Variants in LIPM observed in about 807,000 individuals in gnomAD.
LIPM encodes lipase member M.
A neutral mutation model predicts 42.4 loss-of-function variants in LIPM; 42 were observed. The ratio of observed to expected loss-of-function variants is 0.99; its 90% confidence interval spans 0.77 to 1.28. The LOEUF is 1.28. Ranked by LOEUF, LIPM falls within the 50% of genes most tolerant of loss-of-function variation. The pLI is 0.00. For missense variants in LIPM, 524 were observed against 520.1 expected, an observed-to-expected ratio of 1.01 and a Z score of -0.07; for synonymous variants, 177 against 173.3, an observed-to-expected ratio of 1.02 and a Z score of -0.17.
At chr10:88,814,087 T>A (rs1843687231) in intron 3 of LIPM, among the ~76,000 whole-genome samples, 1 of 152,336 alleles carries the variant, frequency 6.6e-6, no homozygotes, top group Admixed American at 6.5e-5. Context: ...TCTCATGTTC[T>A]TACAAAAGAT....
rs1159983504 is a variant in LIPM at position 88,815,073 on chromosome 10, T to G, written c.575-15T>G. The stretch of plus-strand genomic sequence containing the variant: ...AATATTTCGTATTCATGTTGACATA[T>G]TTCTTCTTTTGCAGGCTTTATTGCA... On this transcript the variant is annotated splice_polypyrimidine_tract_variant and intron_variant, in intron 4 of 8. Transcript: ENST00000404743. 3.9e-6 allele frequency: 6 copies of G among 1,524,350 alleles called. No homozygotes were observed. The highest frequency in any genetic ancestry group is 5.3e-6 in the Non-Finnish European group (6 of 1,139,160). 94.4% of individuals were successfully genotyped at this position (1,524,350 alleles called of 1,614,324 possible).
intron 2 of LIPM, among the ~76,000 whole-genome samples, chr10:88,810,073 G>T (rs1057490836): frequency 2.0e-5 from 3 of 152,296 alleles, no homozygotes; most frequent in South Asian, 2.1e-4. Flanking sequence ...TTTGTCTATT[G>T]TCTGTCTCCC....
Position 88,815,359 on chromosome 10 carries a change from A to T in LIPM, c.714A>T (p.Gly238=). 1 of 1,551,504 alleles carries T rather than the reference A, an allele frequency of 6.4e-7. No homozygotes were observed. The highest frequency in any genetic ancestry group is 8.7e-7 in the Non-Finnish European group (1 of 1,146,906). ...TATGTCACTTCATATTTTCACAGGG[A>T]TTGTTTGGCAAAAAAGAATTTCTGT... ...FLLLPDMMIK[G]LFGKKEFLYQ... is the part of the protein sequence containing the mutation. The change falls in exon 6 of 9, where the codon GGA becomes GGT. Residue 238 remains glycine (G), a splice_region_variant and synonymous_variant. Coordinates refer to ENST00000404743, the MANE Select transcript of LIPM (RefSeq NM_001128215.1).
At chr10:88,818,023 A>G in intron 8 of LIPM, 127 bp downstream of exon 8, 1 of 733,410 alleles carries the variant, frequency 1.4e-6, no homozygotes, top group Non-Finnish European at 2.2e-6. Context: ...ATAATGGTTC[A>G]TGTTTGACTC....
At chr10:88,818,191 A>G (rs192329716) in intron 8 of LIPM, among the ~76,000 whole-genome samples, 2 of 151,578 alleles carry the variant, frequency 1.3e-5, no homozygotes, top group Non-Finnish European at 1.5e-5. Flanking sequence ...AGTGTAGTCT[A>G]TGGTGGATAC....
In LIPM at chr10:88,817,809, T is replaced by G; in HGVS notation, c.931-16T>G. 1.3e-6 allele frequency: 2 copies of G among 1,546,250 alleles called. No homozygotes were observed. Among genetic ancestry groups the G allele is most frequent in the Non-Finnish European group, 1.8e-6 (2 of 1,142,150 alleles). On this transcript the variant is annotated splice_polypyrimidine_tract_variant and intron_variant, in intron 7 of 8. Transcript: ENST00000404743. ...TGAGACGTTGGAATTCCTTGTAAAT[T>G]TTTGTCTCCTTTTAGGCAGTGAATT...
intron 1 of LIPM, among the ~76,000 whole-genome samples, chr10:88,803,254 A>G (rs1192837486): frequency 6.6e-6 from 1 of 152,180 alleles, no homozygotes; most frequent in Non-Finnish European, 1.5e-5. Context: ...TGGGCAAATG[A>G]CTTAATCTCT....
At chr10:88,819,021 G>A (rs774712839) in intron 8 of LIPM, among the ~76,000 whole-genome samples, 1 of 151,920 alleles carries the variant, frequency 6.6e-6, no homozygotes, top group Non-Finnish European at 1.5e-5. Context: ...CCGAGTAGCT[G>A]GGACTACAGG....
chr10:88,809,737 G>C (rs1453591462), intron 2 of LIPM, among the ~76,000 whole-genome samples: 3 of 152,086 alleles, frequency 2.0e-5, no homozygotes, highest in Non-Finnish European at 2.9e-5. Flanking sequence ...GAAACGTTGG[G>C]GTTCTGTTTT....
intron 1 of LIPM, among the ~76,000 whole-genome samples, chr10:88,805,720 G>T (rs938018881): frequency 6.6e-6 from 1 of 152,124 alleles, no homozygotes; most frequent in African/African-American, 2.4e-5. Context: ...ATTTCACCTT[G>T]CTGCATTATG....
At chr10:88,808,503 T>C in intron 2 of LIPM, 88 bp downstream of exon 2, 1 of 779,832 alleles carries the variant, frequency 1.3e-6, no homozygotes, top group Non-Finnish European at 2.2e-6. Flanking sequence ...AGAGCCTGGG[T>C]TCTTAGTGCA....
At chr10:88,810,341 T>A (rs980877481) in intron 2 of LIPM, among the ~76,000 whole-genome samples, 3 of 152,314 alleles carry the variant, frequency 2.0e-5, no homozygotes, top group Middle Eastern at 3.4e-3. Flanking sequence ...CAGCCCCTAT[T>A]CTATGGATGG....
At chr10:88,809,705 T>C (rs1046298287) in intron 2 of LIPM, among the ~76,000 whole-genome samples, 11 of 152,222 alleles carry the variant, frequency 7.2e-5, no homozygotes, top group Non-Finnish European at 1.6e-4. Context: ...GCTGGACAAA[T>C]GCTATTGGGC....
intron 2 of LIPM, among the ~76,000 whole-genome samples, chr10:88,810,871 G>A (rs1184932880): frequency 6.6e-6 from 1 of 152,176 alleles, no homozygotes; most frequent in Non-Finnish European, 1.5e-5. Context: ...GACTCTCAAG[G>A]GGAGCATTGA....
chr10:88,810,481 T>C (rs1441932170), intron 2 of LIPM, among the ~76,000 whole-genome samples: 1 of 150,426 alleles, frequency 6.6e-6, no homozygotes. Flanking sequence ...GTTGTTGGCA[T>C]GTGCCTCTTC....
At chr10:88,808,544 G>T in intron 2 of LIPM, 129 bp downstream of exon 2, 1 of 565,634 alleles carries the variant, frequency 1.8e-6, no homozygotes, top group Non-Finnish European at 3.2e-6. Flanking sequence ...GTCAAAGGAT[G>T]GTGTCAGTTC....
At chr10:88,814,825 A>G (rs1229512512) in intron 4 of LIPM, among the ~76,000 whole-genome samples, 186 bp downstream of exon 4, 1 of 152,170 alleles carries the variant, frequency 6.6e-6, no homozygotes, top group East Asian at 1.9e-4. Flanking sequence ...TCTCTGTGCT[A>G]TATGTGTCTA....
intron 6 of LIPM, among the ~76,000 whole-genome samples, chr10:88,815,780 T>A (rs1843712244): frequency 6.6e-6 from 1 of 152,168 alleles, no homozygotes; most frequent in African/African-American, 2.4e-5. Context: ...AAAGAGCAAT[T>A]AGCACATGTT....
intron 2 of LIPM, among the ~76,000 whole-genome samples, chr10:88,808,910 C>CATTTCATTTT (rs1843620172): frequency 2.2e-5 from 3 of 135,336 alleles, no homozygotes; most frequent in African/African-American, 8.5e-5. Flanking sequence ...TCTATACATA[C>CATTTCATTTT]ATTTTATTTT....
Sources: allele counts gnomAD v4.1 joint callset (sites outside exome capture counted in the v4.1 genomes callset), GRCh38; gene constraint gnomAD v4.1.1; transcripts MANE v1.5; gene names NCBI Gene and HGNC (gene_info 2026-07-23, HGNC 2026-07-21).